Variants in TBC1D22A observed in about 807,000 individuals in gnomAD.
The protein encoded by TBC1D22A is TBC1 domain family member 22A, also known as putative GTPase activator.
Under a neutral mutation model 60.2 loss-of-function variants are expected in TBC1D22A, and 38 were observed. The observed-to-expected ratio is 0.63, with a 90% CI of 0.49 to 0.83. TBC1D22A has a LOEUF of 0.83. Among genes scored for constraint, TBC1D22A ranks in the 40% least tolerant of loss-of-function variants. The probability of loss-of-function intolerance (pLI) is 0.00; values close to 1 mark genes in which losing one functional copy is unlikely to be tolerated. For missense variants in TBC1D22A, 628 were observed against 701.0 expected (o/e 0.90, Z 1.18); for synonymous variants, 302 against 281.7 (o/e 1.07, Z -0.72).
At chr22:46,784,584 A>G (rs1433430722) in intron 1 of TBC1D22A, among the ~76,000 whole-genome samples, 1 of 152,252 alleles carries the variant, frequency 6.6e-6, no homozygotes, top group African/African-American at 2.4e-5. Flanking sequence ...TGGTTTGCCT[A>G]TGAAGAATTT....
At chr22:46,880,193 A>T (rs1018921706) in intron 5 of TBC1D22A, among the ~76,000 whole-genome samples, 2 of 152,210 alleles carry the variant, frequency 1.3e-5, no homozygotes, top group Non-Finnish European at 2.9e-5. Flanking sequence ...GGTTTTATAC[A>T]CTTAGGGAGA....
At chr22:47,166,283 A>G (rs1329396531) in intron 12 of TBC1D22A, among the ~76,000 whole-genome samples, 1 of 152,138 alleles carries the variant, frequency 6.6e-6, no homozygotes, top group Admixed American at 6.5e-5. Flanking sequence ...GGGAGGCAGG[A>G]TTTATACCTA....
At chr22:46,868,051 C>T (rs756441002) in intron 4 of TBC1D22A, among the ~76,000 whole-genome samples, 4 of 152,208 alleles carry the variant, frequency 2.6e-5, no homozygotes, top group Admixed American at 6.5e-5. Flanking sequence ...TTGTTGCTGC[C>T]GTTGCTTTAC....
intron 4 of TBC1D22A, among the ~76,000 whole-genome samples, chr22:46,866,576 G>A (rs1395895273): frequency 6.6e-6 from 1 of 152,266 alleles, no homozygotes; most frequent in Non-Finnish European, 1.5e-5. Flanking sequence ...TTTAAGAATA[G>A]ATATGGCATT....
intron 11 of TBC1D22A, among the ~76,000 whole-genome samples, chr22:47,108,898 T>A (rs2065740261): frequency 6.6e-6 from 1 of 152,160 alleles, no homozygotes; most frequent in South Asian, 2.1e-4. Context: ...GGTTTCACCG[T>A]GTTAGCCAGG....
At chr22:47,070,480 G>T (rs866783260) in intron 11 of TBC1D22A, among the ~76,000 whole-genome samples, 626 of 121,132 alleles carry the variant, frequency 5.2e-3, no homozygotes, top group African/African-American at 0.015. Flanking sequence ...CTGACCTGAC[G>T]GTTCCAGGCT....
At chr22:47,085,478 G>A (rs1025118101) in intron 11 of TBC1D22A, among the ~76,000 whole-genome samples, 1 of 151,960 alleles carries the variant, frequency 6.6e-6, no homozygotes, top group Non-Finnish European at 1.5e-5. Flanking sequence ...TTCCATCTTA[G>A]CATTTATTAT....
intron 11 of TBC1D22A, among the ~76,000 whole-genome samples, chr22:47,039,060 A>C (rs910820772): frequency 3.3e-5 from 5 of 152,190 alleles, no homozygotes; most frequent in Non-Finnish European, 5.9e-5. Flanking sequence ...CCCCATTACG[A>C]ATAAATTAGG....
chr22:47,099,523 G>A (rs111900135), intron 11 of TBC1D22A, among the ~76,000 whole-genome samples: 1 of 150,760 alleles, frequency 6.6e-6, no homozygotes, highest in African/African-American at 2.4e-5. Flanking sequence ...TCAGCTCACT[G>A]CAGCCTCTGC....
At chr22:46,938,801 G>A (rs1569243887) in intron 8 of TBC1D22A, among the ~76,000 whole-genome samples, 1 of 151,932 alleles carries the variant, frequency 6.6e-6, no homozygotes, top group African/African-American at 2.4e-5. Flanking sequence ...GGCCAGGCTG[G>A]TCTCGAACTC....
At chr22:46,841,755 A>C (rs974530221) in intron 4 of TBC1D22A, among the ~76,000 whole-genome samples, 1 of 152,352 alleles carries the variant, frequency 6.6e-6, no homozygotes, top group South Asian at 2.1e-4. Flanking sequence ...AGTTCTAGGG[A>C]TCTCATGTAC....
At position 47,175,060 on chromosome 22, in the gene TBC1D22A, C is replaced by G. The variant is rs2068636610; in HGVS notation, c.*1434C>G. The G allele has an allele frequency of 6.6e-6, 1 of 152,322 alleles. No homozygotes were observed. The highest frequency in any genetic ancestry group is 6.5e-5 in the Admixed American group (1 of 15,292). The allele number at this position is 152,322 out of a possible 1,614,324, so 9.4% of individuals were successfully genotyped here. A position where few individuals can be genotyped will look rare whatever the true frequency, so the allele number is the denominator to read the frequency against. On this transcript the variant is annotated 3_prime_UTR_variant, in exon 13 of 13. Coordinates refer to ENST00000337137, the MANE Select transcript of TBC1D22A (RefSeq NM_014346.5). ...CTCTGTCCCTCAGGAGCAGCCGTGT[C>G]CTCTCCCAGGCCCTAGGACACTGCC...
intron 12 of TBC1D22A, among the ~76,000 whole-genome samples, chr22:47,135,996 G>A (rs954301449): frequency 1.3e-5 from 2 of 152,262 alleles, no homozygotes; most frequent in Admixed American, 6.5e-5. Context: ...TGAGGAGGCA[G>A]TGCTAGTTGC....
chr22:47,071,713 T>A (rs1603233634), intron 11 of TBC1D22A, among the ~76,000 whole-genome samples: 1 of 152,268 alleles, frequency 6.6e-6, no homozygotes, highest in South Asian at 2.1e-4. Flanking sequence ...ATGGCTGTGG[T>A]TTGTTGCGGT....
rs80090167 is a variant in TBC1D22A at position 46,979,931 on chromosome 22, C to T, written c.1125+5532C>T. 2.6e-5 allele frequency among the ~76,000 whole-genome samples: 4 copies of T among 152,150 alleles called. No homozygotes were observed. In the East Asian group the frequency reaches 7.8e-4, roughly 30 times the overall value. On this transcript the variant is annotated intron_variant, in intron 9 of 12. Transcript: ENST00000337137. ...CTGCCCAGGAGGGATGATCTCCTGC[C>T]ACAGGCCTGTGGCATTCCCATGGGA...
At chr22:46,942,009 A>ATT (rs1491215707) in intron 8 of TBC1D22A, among the ~76,000 whole-genome samples, 65 of 107,346 alleles carry the variant, frequency 6.1e-4, no homozygotes, top group African/African-American at 2.5e-3. Context: ...ACCAGCATAC[A>ATT]TATATATATA....
intron 10 of TBC1D22A, among the ~76,000 whole-genome samples, chr22:46,999,791 C>T (rs373887212): frequency 6.6e-6 from 1 of 152,004 alleles, no homozygotes; most frequent in South Asian, 2.1e-4. Context: ...CTTGGGAGGC[C>T]GAGGCAGGCG....
intron 8 of TBC1D22A, among the ~76,000 whole-genome samples, chr22:46,973,462 A>G (rs1175596552): frequency 1.3e-5 from 2 of 152,212 alleles, no homozygotes; most frequent in Non-Finnish European, 2.9e-5. Flanking sequence ...CAGGATTGTG[A>G]TGTTTATCTG....
chr22:46,981,756 G>T lies in TBC1D22A; in HGVS notation c.1125+7357G>T, dbSNP rs541918292. On this transcript the variant is annotated intron_variant, in intron 9 of 12. Coordinates refer to ENST00000337137, the MANE Select transcript of TBC1D22A (RefSeq NM_014346.5). ...GTTAAACCTCTTGTCTTTATGAGTT[G>T]CCCAGTCTCGGGCAGTTCTTTATAG... 9.8e-5 allele frequency among the ~76,000 whole-genome samples: 15 copies of T among 152,328 alleles called. No homozygotes were observed. The East Asian group carries it at 2.7e-3, about 27-fold the overall frequency.
Sources: gnomAD v4.1 joint callset for allele counts (sites outside exome capture counted in the v4.1 genomes callset) on GRCh38, gnomAD v4.1.1 for gene constraint, MANE v1.5 for transcripts, NCBI Gene and HGNC (gene_info 2026-07-23, HGNC 2026-07-21) for gene names.